The following COL12A1 variants were observed in gnomAD, a reference collection of about 807,000 sequenced individuals.
COL12A1 encodes the protein collagen alpha-1(XII) chain.
A neutral mutation model predicts 349.7 loss-of-function variants in COL12A1; 114 were observed. That is an observed-to-expected ratio of 0.33 (90% CI 0.28 to 0.38). COL12A1 has a LOEUF of 0.38. COL12A1 is among the 10% of genes least tolerant of loss of function. COL12A1 has a pLI of 1.00. For synonymous variants in COL12A1, 1,369 were observed against 1,329.0 expected (o/e 1.03, Z -0.66); for missense variants, 3,284 against 3,756.9 (o/e 0.87, Z 3.29).
chr6:75,150,361 C>T (rs1176149617), intron 21 of COL12A1, among the ~76,000 whole-genome samples: 1 of 152,040 alleles, frequency 6.6e-6, no homozygotes, highest in Admixed American at 6.6e-5. Context: ...TATCCTAATT[C>T]CTTAGCTATA....
At chr6:75,155,085 A>T (rs1271833624) in intron 16 of COL12A1, among the ~76,000 whole-genome samples, 1 of 152,208 alleles carries the variant, frequency 6.6e-6, no homozygotes, top group African/African-American at 2.4e-5. Flanking sequence ...ACAGTAGTTC[A>T]TTCTTTTTAC....
intron 14 of COL12A1, among the ~76,000 whole-genome samples, chr6:75,158,315 T>G (rs964704730): frequency 6.6e-6 from 1 of 152,070 alleles, no homozygotes; most frequent in Admixed American, 6.6e-5. Context: ...CAAAGAGCTC[T>G]CTCTCTCTTT....
chr6:75,151,004 C>T, intron 21 of COL12A1, 137 bp downstream of exon 21: 1 of 568,394 alleles, frequency 1.8e-6, no homozygotes, highest in Non-Finnish European at 2.8e-6. Context: ...CTACTGACAT[C>T]CAACCGGCAG....
intron 14 of COL12A1, among the ~76,000 whole-genome samples, chr6:75,159,523 A>G (rs1767924354): frequency 6.7e-6 from 1 of 150,308 alleles, no homozygotes; most frequent in Non-Finnish European, 1.5e-5. Flanking sequence ...AAATAGTACA[A>G]GAAAGAATAG....
rs899324473 is a variant in COL12A1 at position 75,106,307 on chromosome 6, T to A, written c.8178+112A>T. On this transcript the variant is annotated intron_variant, in intron 53 of 65. Coordinates refer to ENST00000322507, the MANE Select transcript of COL12A1 (RefSeq NM_004370.6). ...GAGCACCCACACATTGCGTGTCTTTTAGCTCCATCCTGAATATACAACTGT... is the reference window on the plus strand; with the variant it reads ...GAGCACCCACACATTGCGTGTCTTTAAGCTCCATCCTGAATATACAACTGT... 4 of 905,170 alleles carry A rather than the reference T, an allele frequency of 4.4e-6. No homozygotes were observed. In the African/African-American group the frequency reaches 6.6e-5, roughly 15 times the overall value. 56.1% of individuals were successfully genotyped at this position (905,170 alleles called of 1,614,324 possible).
At chr6:75,130,762 C>T (rs1766260233) in intron 36 of COL12A1, 90 bp downstream of exon 36, 2 of 1,537,732 alleles carry the variant, frequency 1.3e-6, no homozygotes, top group Admixed American at 1.8e-5. Context: ...ACCCATCTCT[C>T]ACCACCCCCC....
At chr6:75,126,556 C>A in intron 38 of COL12A1, 86 bp from the exon 39 acceptor site, 1 of 1,386,706 alleles carries the variant, frequency 7.2e-7, no homozygotes, top group Non-Finnish European at 9.8e-7. Context: ...GTAGGAAAGC[C>A]CAATGGGAGC....
At position 75,183,636 on chromosome 6, in the gene COL12A1, C is replaced by T. The variant is rs773894028; in HGVS notation, c.1305G>A (p.Val435=). ...AAAACACAATATCGGCTTTTATATC[C>T]ACACCACGTGAGCATTCTGTAAAGA... ...MKVQVECSRG[V]DIKADIVFLV... The change falls in exon 10 of 66, where the codon GTG becomes GTA. Residue 435 remains valine (V), a synonymous_variant. Coordinates refer to ENST00000322507, the MANE Select transcript of COL12A1 (RefSeq NM_004370.6). 6.2e-7 allele frequency: 1 copy of T among 1,610,190 alleles called. No homozygotes were observed. Among genetic ancestry groups the T allele is most frequent in the South Asian group, 1.1e-5 (1 of 90,122 alleles).
At chr6:75,152,562 C>A in intron 17 of COL12A1, 80 bp from the exon 18 acceptor site, 7 of 1,520,324 alleles carry the variant, frequency 4.6e-6, no homozygotes, top group Non-Finnish European at 6.3e-6. Context: ...TCTACCACTC[C>A]CTGGATCCTC....
rs531391980 is a variant in COL12A1, at chr6:75,125,116, C to G, written c.6607+11G>C. 5 of 1,570,750 alleles carry G rather than the reference C, an allele frequency of 3.2e-6. No individual in the cohort carries two copies. Among genetic ancestry groups the G allele is most frequent in the Non-Finnish European group, 4.3e-6 (5 of 1,159,720 alleles). On this transcript the variant is annotated intron_variant, in intron 40 of 65. Transcript: ENST00000322507. ...GTTTTTCTCACAACCATGAAAATAT[C>G]CATGACTCACATGTAGTGCCTTGAT...
chr6:75,121,814 A>G (rs1765747998), intron 43 of COL12A1, among the ~76,000 whole-genome samples: 1 of 151,718 alleles, frequency 6.6e-6, no homozygotes, highest in Non-Finnish European at 1.5e-5. Context: ...AAGTTTGGAG[A>G]TTTGAAATGT....
chr6:75,155,759 C>A lies in COL12A1; in HGVS notation c.3346G>T (p.Gly1116Cys), dbSNP rs1337121359. ...TWEPAPGEVKGYKVTFHPTGD... is the reference protein window; with the variant it reads ...TWEPAPGEVKCYKVTFHPTGD... ...GTAGGGTGGAATGTGACTTTATAACCCTTCACTTCCCCAGGGGCAGGCTCC... is the reference window on the plus strand; with the variant it reads ...GTAGGGTGGAATGTGACTTTATAACACTTCACTTCCCCAGGGGCAGGCTCC... The change falls in exon 16 of 66, where the codon GGT (glycine) becomes TGT (cysteine). Residue 1116 changes from glycine to cysteine, a missense_variant. By Grantham distance (159) the Gly-to-Cys change is radical (BLOSUM62 -3). This residue lies in a region of COL12A1 where 2,601 missense variants were observed against 2,824.8 expected (regional missense o/e 0.92). Transcript: ENST00000322507. 4 of 1,613,544 alleles carry A rather than the reference C, an allele frequency of 2.5e-6. No individual in the cohort carries two copies. The Admixed American group carries it at 6.7e-5, about 27-fold the overall frequency.
intron 14 of COL12A1, among the ~76,000 whole-genome samples, chr6:75,158,125 T>C (rs755976288): frequency 6.6e-6 from 1 of 152,158 alleles, no homozygotes; most frequent in Non-Finnish European, 1.5e-5. Flanking sequence ...GAAAAACTTA[T>C]GACTTGTATC....
intron 17 of COL12A1, among the ~76,000 whole-genome samples, chr6:75,153,493 A>G (rs1767593973): frequency 6.6e-6 from 1 of 152,150 alleles, no homozygotes; most frequent in South Asian, 2.1e-4. Context: ...CCAGCTATAA[A>G]TTTTCCAGTT....
At chr6:75,100,294 C>A (rs950043512) in intron 58 of COL12A1, among the ~76,000 whole-genome samples, 2 of 152,062 alleles carry the variant, frequency 1.3e-5, no homozygotes, top group Non-Finnish European at 2.9e-5. Flanking sequence ...CTAGGGAACC[C>A]GCTGTGTGTC....
rs762817385 is a variant in COL12A1, at chr6:75,156,262, G to A, written c.3245C>T (p.Thr1082Ile). ...ATATAATTATTATTTCATACCTGTTGTTCCTGATCCTTGCCTAAGCTTTCC... is the reference window on the plus strand; with the variant it reads ...ATATAATTATTATTTCATACCTGTTATTCCTGATCCTTGCCTAAGCTTTCC... ...GEGKLRQGSG[T>I]TASRFKSPRN... The change falls in exon 15 of 66, where the codon ACA becomes ATA. Residue 1082 changes from threonine (T) to isoleucine (I), a missense_variant. Around this residue, in one of 2 missense-constraint regions of COL12A1, gnomAD observed 2,601 missense variants for 2,824.8 expected, o/e 0.92. Coordinates refer to ENST00000322507, the MANE Select transcript of COL12A1 (RefSeq NM_004370.6). 1 of 1,613,590 alleles carries A rather than the reference G, an allele frequency of 6.2e-7. No individual in the cohort carries two copies. Among genetic ancestry groups the A allele is most frequent in the African/African-American group, 1.3e-5 (1 of 74,870 alleles).
chr6:75,123,448 A>G, intron 42 of COL12A1, 44 bp from the exon 43 acceptor site: 2 of 1,427,602 alleles, frequency 1.4e-6, no homozygotes, highest in East Asian at 2.5e-5. Flanking sequence ...CCATGTGCAC[A>G]TTTGATATCC....
At chr6:75,204,633 C>T (rs927804432) in intron 1 of COL12A1, among the ~76,000 whole-genome samples, 1 of 152,108 alleles carries the variant, frequency 6.6e-6, no homozygotes, top group African/African-American at 2.4e-5. Flanking sequence ...AGCGAGGACT[C>T]CCTCACTTCA....
Position 75,112,208 on chromosome 6 carries a change from A to G in COL12A1, c.7950+996T>C, listed in dbSNP as rs142610438. 1.2e-3 allele frequency among the ~76,000 whole-genome samples: 177 copies of G among 151,896 alleles called. 2 individuals are homozygous for G. The highest frequency in any genetic ancestry group is 3.7e-3 in the African/African-American group (152 of 41,524). Reference sequence around the variant, plus strand: ...AGGGGAACAACACACACTGCGGCCTATCAGAGGGTGTCAGGTGAAAGGAAG... The same window carrying G: ...AGGGGAACAACACACACTGCGGCCTGTCAGAGGGTGTCAGGTGAAAGGAAG... On this transcript the variant is annotated intron_variant, in intron 51 of 65. Coordinates refer to ENST00000322507, the MANE Select transcript of COL12A1 (RefSeq NM_004370.6).
Sources: allele counts gnomAD v4.1 joint callset (sites outside exome capture counted in the v4.1 genomes callset), GRCh38; gene constraint gnomAD v4.1.1; regional missense constraint gnomAD v4.1.1; transcripts MANE v1.5; gene names NCBI Gene and HGNC (gene_info 2026-07-23, HGNC 2026-07-21).